FBXL20: variants seen among roughly 807,000 people sequenced by gnomAD.
FBXL20 encodes F-box/LRR-repeat protein 20.
FBXL20 carries 11 observed loss-of-function variants against 64.0 expected under a neutral mutation model. The observed-to-expected ratio is 0.17, with a 90% CI of 0.11 to 0.28. The LOEUF is 0.28. Among genes scored for constraint, FBXL20 ranks in the 10% least tolerant of loss-of-function variants. The pLI, the probability that FBXL20 is intolerant of heterozygous loss-of-function variation, is 1.00. For synonymous variants in FBXL20, 184 were observed against 189.0 expected (o/e 0.97, Z 0.22); for missense variants, 303 against 526.2 (o/e 0.58, Z 4.15).
At chr17:39,343,157 A>G (rs780588086) in intron 2 of FBXL20, 23 bp downstream of exon 2, 2 of 1,563,992 alleles carry the variant, frequency 1.3e-6, no homozygotes, top group Non-Finnish European at 1.7e-6. Flanking sequence ...AAAAAAACCC[A>G]TAAAATTAGC....
intron 1 of FBXL20, among the ~76,000 whole-genome samples, chr17:39,369,256 CTTTTTTT>C (rs72363930): frequency 2.0e-5 from 2 of 98,578 alleles, no homozygotes; most frequent in Non-Finnish European, 1.9e-5. Context: ...GAATTCAATG[CTTTTTTT>C]TTTTTTTTTT....
At position 39,332,536 on chromosome 17, in the gene FBXL20, CTTT is replaced by C. The variant is rs58827473; in HGVS notation, c.104+10641_104+10643del. 5.0e-3 allele frequency among the ~76,000 whole-genome samples: 483 copies of C among 96,932 alleles called. 5 individuals are homozygous for C. Among genetic ancestry groups the C allele is most frequent in the African/African-American group, 0.019 (452 of 24,402 alleles). 63.6% of individuals were successfully genotyped at this position (96,932 alleles called of 152,430 possible). On this transcript the variant is annotated intron_variant, in intron 2 of 14. Coordinates refer to ENST00000264658, the MANE Select transcript of FBXL20 (RefSeq NM_032875.3). ...CCCCTTTGCTGATTTTTCTTTGTAT[CTTT>C]TTTTTTTTTTTTTTTTTTTTTAAGA... is the stretch of plus-strand genomic sequence containing the variant.
At chr17:39,312,918 C>T (rs1294334099) in intron 2 of FBXL20, among the ~76,000 whole-genome samples, 11 of 110,608 alleles carry the variant, frequency 9.9e-5, no homozygotes, top group African/African-American at 1.9e-4. Flanking sequence ...AAGATAGTTA[C>T]TTTTTTTTTT....
At chr17:39,384,201 T>C (rs888769195) in intron 1 of FBXL20, among the ~76,000 whole-genome samples, 1 of 152,004 alleles carries the variant, frequency 6.6e-6, no homozygotes, top group Non-Finnish European at 1.5e-5. Flanking sequence ...ACTCTTGCAC[T>C]CCAGCCTGGG....
rs1435633810 is a variant in FBXL20 at position 39,252,719 on chromosome 17, CAAT to C, written c.*8738_*8740del. The C allele has an allele frequency of 2.0e-5, 3 of 147,230 alleles. No homozygotes were observed. The highest frequency in any genetic ancestry group is 6.8e-5 in the Admixed American group (1 of 14,710). 9.1% of individuals were successfully genotyped at this position (147,230 alleles called of 1,614,324 possible). A position where few individuals can be genotyped will look rare whatever the true frequency, so the allele number is the denominator to read the frequency against. ...AAACAAAATTAGAACATACAAGAAA[CAAT>C]AATAGTTACATAACAATTTACTTTA... On this transcript the variant is annotated 3_prime_UTR_variant, in exon 15 of 15. Coordinates refer to ENST00000264658, the MANE Select transcript of FBXL20 (RefSeq NM_032875.3).
intron 1 of FBXL20, among the ~76,000 whole-genome samples, chr17:39,352,632 G>C (rs2047698049): frequency 6.8e-6 from 1 of 145,986 alleles, no homozygotes; most frequent in South Asian, 2.1e-4. Flanking sequence ...AGTGAGCCGA[G>C]ATCAGGCTAC....
rs925701171 is a variant in FBXL20 at position 39,374,374 on chromosome 17, C to CA, written c.42+26986dup. Among the ~76,000 whole-genome samples, 590 of 142,356 alleles carry CA rather than the reference C, an allele frequency of 4.1e-3. 5 individuals are homozygous for CA. The highest frequency in any genetic ancestry group is 0.012 in the African/African-American group (471 of 38,938). The allele number at this position is 142,356 out of a possible 152,430, so 93.4% of individuals were successfully genotyped here. The stretch of plus-strand genomic sequence containing the variant: ...TGAAACCCCGTCTCTACTAAAAATA[C>CA]AAAAAAAAAAAATTAATCAGGCCTG... On this transcript the variant is annotated intron_variant, in intron 1 of 14. Coordinates refer to ENST00000264658, the MANE Select transcript of FBXL20 (RefSeq NM_032875.3).
intron 1 of FBXL20, among the ~76,000 whole-genome samples, chr17:39,399,168 T>G (rs1477958298): frequency 6.6e-6 from 1 of 151,876 alleles, no homozygotes; most frequent in Non-Finnish European, 1.5e-5. Context: ...AATTTGAAAT[T>G]AGCTATTATG....
At chr17:39,379,971 C>T (rs1347483813) in intron 1 of FBXL20, among the ~76,000 whole-genome samples, 3 of 151,934 alleles carry the variant, frequency 2.0e-5, no homozygotes, top group South Asian at 2.1e-4. Context: ...CAGAGTGAGA[C>T]CCTGTCTCAA....
intron 2 of FBXL20, among the ~76,000 whole-genome samples, chr17:39,310,153 T>TAAAAA (rs34838706): frequency 7.4e-6 from 1 of 134,712 alleles, no homozygotes; most frequent in East Asian, 2.2e-4. Flanking sequence ...TCTACAAATT[T>TAAAAA]AAAAAAAAAA....
intron 1 of FBXL20, among the ~76,000 whole-genome samples, chr17:39,364,879 T>C (rs962878432): frequency 1.3e-5 from 2 of 152,118 alleles, no homozygotes; most frequent in East Asian, 1.9e-4. Context: ...GAGCGACCTA[T>C]TGGGGAGATG....
chr17:39,352,302 G>A (rs2047694825), intron 1 of FBXL20, among the ~76,000 whole-genome samples: 1 of 152,010 alleles, frequency 6.6e-6, no homozygotes, highest in Non-Finnish European at 1.5e-5. Flanking sequence ...GGCTGAAGGG[G>A]AGTATCGCTT....
At chr17:39,321,508 T>C (rs1431532455) in intron 2 of FBXL20, among the ~76,000 whole-genome samples, 1 of 146,050 alleles carries the variant, frequency 6.8e-6, no homozygotes, top group East Asian at 2.0e-4. Context: ...CCAGGCACGG[T>C]GACTCATGCC....
chr17:39,303,710 A>C, intron 2 of FBXL20, 71 bp from the exon 3 acceptor site: 3 of 1,359,982 alleles, frequency 2.2e-6, no homozygotes, highest in Non-Finnish European at 3.1e-6. Flanking sequence ...ATTTTGAGAC[A>C]GGGTCTCACT....
rs61753276 is a variant in FBXL20, at chr17:39,265,439, T to C, written c.948A>G (p.Thr316=). 44 of 1,609,704 alleles carry C rather than the reference T, an allele frequency of 2.7e-5. No individual in the cohort carries two copies. The highest frequency in any genetic ancestry group is 1.2e-4 in the Admixed American group (7 of 59,964). Residue 316 remains threonine (T), a synonymous_variant, in exon 13 of 15, where the codon ACA becomes ACG. Coordinates refer to ENST00000264658, the MANE Select transcript of FBXL20 (RefSeq NM_032875.3). ...GACAGTGTATAGAAAGTTGGATTAATGTGCTATCTGTTATCTGAAAGAAAT... is the reference window on the plus strand; with the variant it reads ...GACAGTGTATAGAAAGTTGGATTAACGTGCTATCTGTTATCTGAAAGAAAT... ...LEECVQITDS[T]LIQLSIHCPR...
rs1437200854 is a variant in FBXL20, at chr17:39,323,022, T to G, written c.105-19383A>C. 3.3e-5 allele frequency among the ~76,000 whole-genome samples: 5 copies of G among 149,782 alleles called. No individual in the cohort carries two copies. In the East Asian group the frequency reaches 9.9e-4, roughly 30 times the overall value. On this transcript the variant is annotated intron_variant, in intron 2 of 14. Coordinates refer to ENST00000264658, the MANE Select transcript of FBXL20 (RefSeq NM_032875.3). ...GTCTCACTCTGTCGCCAGGCTGGAG[T>G]GCAGTGGCACAATCTCGGCTCACTG...
At chr17:39,263,360 C>CA (rs1036175654) in intron 14 of FBXL20, among the ~76,000 whole-genome samples, 1 of 151,962 alleles carries the variant, frequency 6.6e-6, no homozygotes, top group African/African-American at 2.4e-5. Flanking sequence ...ACCAAAAATA[C>CA]AAAAAATCAG....
intron 2 of FBXL20, among the ~76,000 whole-genome samples, chr17:39,320,532 T>G (rs1421731928): frequency 1.3e-5 from 2 of 151,996 alleles, no homozygotes; most frequent in African/African-American, 4.8e-5. Context: ...ATTATACAGA[T>G]GGAAATATTA....
At position 39,282,959 on chromosome 17, in the gene FBXL20, A is replaced by AT. The variant is rs199955059; in HGVS notation, c.495-105dup. On this transcript the variant is annotated intron_variant, in intron 7 of 14. Transcript: ENST00000264658. ...TTAGTAAAGGAATGGAAACATTCCCATTTTTTCCCACAAGAAAAAACATAT... is the reference window on the plus strand; with the variant it reads ...TTAGTAAAGGAATGGAAACATTCCCATTTTTTTCCCACAAGAAAAAACATAT... The AT allele has an allele frequency of 2.1e-4, 281 of 1,330,916 alleles. 1 individual carries two copies. In the East Asian group the frequency reaches 5.7e-3, roughly 27 times the overall value. The allele number at this position is 1,330,916 out of a possible 1,614,324, so 82.4% of individuals were successfully genotyped here. A position where few individuals can be genotyped will look rare whatever the true frequency, so the allele number is the denominator to read the frequency against.
Sources: allele counts gnomAD v4.1 joint callset (sites outside exome capture counted in the v4.1 genomes callset), GRCh38; gene constraint gnomAD v4.1.1; transcripts MANE v1.5; gene names NCBI Gene and HGNC (gene_info 2026-07-23, HGNC 2026-07-21).